The following VWC2L variants were observed in gnomAD, a reference collection of about 807,000 sequenced individuals.
VWC2L encodes von Willebrand factor C domain-containing protein 2-like.
A neutral mutation model predicts 21.6 loss-of-function variants in VWC2L; 10 were observed. The observed-to-expected ratio is 0.46, with a 90% CI of 0.29 to 0.78. VWC2L has a LOEUF of 0.78. Ranked by LOEUF, VWC2L falls within the 30% of genes least tolerant of loss-of-function variation. The pLI is 0.10. For missense variants in VWC2L, 209 were observed against 277.1 expected, an observed-to-expected ratio of 0.75 and a Z score of 1.74; for synonymous variants, 96 against 94.3, an observed-to-expected ratio of 1.02 and a Z score of -0.10.
rs35664504 is a variant in VWC2L, at chr2:214,537,901, CTTT to C, written c.521-37757_521-37755del. ...CAAATTGCTTCCAAAGGATAGTGGC[CTTT>C]TTTTTTTTTTTTTGGTGGGCTTGCC... On this transcript the variant is annotated intron_variant, in intron 3 of 3. Coordinates refer to ENST00000312504, the MANE Select transcript of VWC2L (RefSeq NM_001080500.4). 2.4e-3 allele frequency among the ~76,000 whole-genome samples: 319 copies of C among 135,622 alleles called. 3 individuals carry two copies. Among genetic ancestry groups the C allele is most frequent in the African/African-American group, 7.3e-3 (272 of 37,192 alleles). The allele number at this position is 135,622 out of a possible 152,430, so 89.0% of individuals were successfully genotyped here. A position where few individuals can be genotyped will look rare whatever the true frequency, so the allele number is the denominator to read the frequency against.
At chr2:214,414,923 AAATT>A (rs1402781887) in intron 2 of VWC2L, 4 of 249,324 alleles carry the variant, frequency 1.6e-5, no homozygotes, top group Non-Finnish European at 3.0e-5. Flanking sequence ...TGTGTCTCCT[AAATT>A]AATTTTTTAA....
intron 3 of VWC2L, among the ~76,000 whole-genome samples, chr2:214,571,780 T>C (rs1054761622): frequency 1.3e-5 from 2 of 152,130 alleles, no homozygotes; most frequent in African/African-American, 4.8e-5. Context: ...CTTTCTTTCA[T>C]TCATATTCAT....
intron 3 of VWC2L, among the ~76,000 whole-genome samples, chr2:214,440,740 T>G (rs888573027): frequency 1.3e-5 from 2 of 152,136 alleles, no homozygotes; most frequent in Non-Finnish European, 2.9e-5. Context: ...GTTCATACAT[T>G]CTAATATTTT....
intron 3 of VWC2L, among the ~76,000 whole-genome samples, chr2:214,451,044 G>A (rs1414324885): frequency 4.6e-5 from 7 of 152,150 alleles, no homozygotes; most frequent in South Asian, 2.1e-4. Context: ...CAAAGCCTGC[G>A]TTCTTAATCA....
At chr2:214,525,926 G>T (rs57722321) in intron 3 of VWC2L, among the ~76,000 whole-genome samples, 7 of 151,916 alleles carry the variant, frequency 4.6e-5, no homozygotes, top group Admixed American at 2.0e-4. Context: ...AGTACATACC[G>T]CATACCATTA....
At chr2:214,510,167 A>G (rs1689031760) in intron 3 of VWC2L, 1 of 152,088 alleles carries the variant, frequency 6.6e-6, no homozygotes, top group Admixed American at 6.6e-5. Context: ...GCCAGTTGAT[A>G]CTCATTCTGA....
chr2:214,561,832 A>C (rs1689979865), intron 3 of VWC2L, among the ~76,000 whole-genome samples: 1 of 148,552 alleles, frequency 6.7e-6, no homozygotes, highest in Non-Finnish European at 1.5e-5. Context: ...ATAATTTTAT[A>C]TATATAATTT....
At chr2:214,509,388 T>C (rs570080345) in intron 3 of VWC2L, among the ~76,000 whole-genome samples, 1 of 152,166 alleles carries the variant, frequency 6.6e-6, no homozygotes, top group African/African-American at 2.4e-5. Context: ...TATTCTAGTC[T>C]CTAGTTTCAA....
In VWC2L at chr2:214,459,681, A is replaced by C. The variant is rs1299886685; in HGVS notation, c.520+22923A>C. ...GTGATGATGAATTCGTTCTTTTTAC[A>C]TGTCTGGAAAAGACTGGTCTTCCTT... On this transcript the variant is annotated intron_variant, in intron 3 of 3. Transcript: ENST00000312504. Among the ~76,000 whole-genome samples, 3 of 152,108 alleles carry C rather than the reference A, an allele frequency of 2.0e-5. No individual in the cohort carries two copies. In the South Asian group the frequency reaches 6.2e-4, roughly 31 times the overall value.
intron 3 of VWC2L, among the ~76,000 whole-genome samples, chr2:214,567,595 C>CAGAGAGAGAGAGAGAGAG (rs10528003): frequency 7.4e-6 from 1 of 135,304 alleles, no homozygotes; most frequent in Admixed American, 7.1e-5. Context: ...CACACACACA[C>CAGAGAGAGAGAGAGAGAG]AGAGAGAGAG....
intron 2 of VWC2L, among the ~76,000 whole-genome samples, chr2:214,434,634 A>G (rs1424858927): frequency 1.3e-5 from 2 of 152,078 alleles, no homozygotes; most frequent in Non-Finnish European, 2.9e-5. Context: ...CTGTGAGATA[A>G]AGATAAAAAC....
At chr2:214,529,463 C>T (rs1322602665) in intron 3 of VWC2L, among the ~76,000 whole-genome samples, 4 of 152,080 alleles carry the variant, frequency 2.6e-5, no homozygotes, top group African/African-American at 9.7e-5. Flanking sequence ...AAGAAAACTA[C>T]GGAAACTCAA....
chr2:214,574,575 TG>T (rs1172512873), intron 3 of VWC2L, among the ~76,000 whole-genome samples: 1 of 152,166 alleles, frequency 6.6e-6, no homozygotes, highest in Non-Finnish European at 1.5e-5. Flanking sequence ...TGCATTGCCA[TG>T]TTACTTTGTA....
intron 3 of VWC2L, among the ~76,000 whole-genome samples, chr2:214,506,912 A>G (rs939541249): frequency 6.6e-6 from 1 of 152,088 alleles, no homozygotes; most frequent in African/African-American, 2.4e-5. Context: ...AGAAGAGTAC[A>G]AATACATTAA....
rs374813160 is a variant in VWC2L, at chr2:214,529,718, T to C, written c.521-45954T>C. ...GTTCACAGGGAAAGTGCTGAGTCAT[T>C]TTCATTATTGCATCGATTCTACACA... On this transcript the variant is annotated intron_variant, in intron 3 of 3. Coordinates refer to ENST00000312504, the MANE Select transcript of VWC2L (RefSeq NM_001080500.4). Among the ~76,000 whole-genome samples, 31 of 151,728 alleles carry C rather than the reference T, an allele frequency of 2.0e-4. No individual in the cohort carries two copies. In the South Asian group the frequency reaches 6.5e-3, roughly 32 times the overall value.
chr2:214,560,716 T>A (rs1201264866), intron 3 of VWC2L, among the ~76,000 whole-genome samples: 1 of 152,190 alleles, frequency 6.6e-6, no homozygotes, highest in African/African-American at 2.4e-5. Flanking sequence ...TGGCTTGTTT[T>A]TCAGTAAGTG....
At chr2:214,569,865 T>C (rs942452498) in intron 3 of VWC2L, among the ~76,000 whole-genome samples, 1 of 152,196 alleles carries the variant, frequency 6.6e-6, no homozygotes, top group Non-Finnish European at 1.5e-5. Flanking sequence ...TGATGTTTAA[T>C]GCTTAACATC....
At chr2:214,487,602 T>C (rs192475675) in intron 3 of VWC2L, among the ~76,000 whole-genome samples, 45 of 152,308 alleles carry the variant, frequency 3.0e-4, no homozygotes, top group African/African-American at 1.0e-3. Flanking sequence ...ACCTGAGCTA[T>C]GTTTTTAAGA....
chr2:214,558,430 C>T (rs1235651932), intron 3 of VWC2L, among the ~76,000 whole-genome samples: 1 of 152,178 alleles, frequency 6.6e-6, no homozygotes, highest in East Asian at 1.9e-4. Context: ...AACTTTCTAA[C>T]ATTGACCTCA....
Sources: gnomAD v4.1 joint callset for allele counts (sites outside exome capture counted in the v4.1 genomes callset) on GRCh38, gnomAD v4.1.1 for gene constraint, MANE v1.5 for transcripts, NCBI Gene and HGNC (gene_info 2026-07-23, HGNC 2026-07-21) for gene names.